The following CEP85L variants were observed in gnomAD, a reference collection of about 807,000 sequenced individuals.
The protein encoded by CEP85L is centrosomal protein 85L, also known as centrosomal protein of 85 kDa-like.
CEP85L carries 60 observed loss-of-function variants against 100.3 expected under a neutral mutation model. The ratio of observed to expected loss-of-function variants is 0.60; its 90% CI spans 0.49 to 0.74. The LOEUF (loss-of-function observed/expected upper bound fraction) is 0.74, where lower values mean the gene tolerates loss of function less well. CEP85L is among the 30% of genes least tolerant of loss of function. The pLI, the probability that CEP85L is intolerant of heterozygous loss-of-function variation, is 0.00. For missense variants in CEP85L, 973 were observed against 936.2 expected (o/e 1.04, Z -0.51); for synonymous variants, 319 against 322.7 (o/e 0.99, Z 0.12).
chr6:118,615,540 T>G (rs1772977608), intron 2 of CEP85L, among the ~76,000 whole-genome samples: 1 of 152,212 alleles, frequency 6.6e-6, no homozygotes, highest in Admixed American at 6.5e-5. Flanking sequence ...GAGAAAGATT[T>G]GGCCCTTGCC....
intron 2 of CEP85L, among the ~76,000 whole-genome samples, chr6:118,572,407 A>C (rs992361894): frequency 6.6e-6 from 1 of 151,852 alleles, no homozygotes; most frequent in Non-Finnish European, 1.5e-5. Flanking sequence ...AAAAACAAAA[A>C]ACAAACACAA....
intron 5 of CEP85L, among the ~76,000 whole-genome samples, chr6:118,495,959 G>A (rs545810206): frequency 1.2e-3 from 177 of 152,282 alleles, no homozygotes; most frequent in African/African-American, 4.0e-3. Flanking sequence ...TATGTCATAC[G>A]CACTTTTATT....
intron 1 of CEP85L, among the ~76,000 whole-genome samples, chr6:118,690,648 C>T (rs1777006102): frequency 6.6e-6 from 1 of 152,196 alleles, no homozygotes; most frequent in Non-Finnish European, 1.5e-5. Context: ...TCCAAAGCTG[C>T]TGGTGGCCAT....
At chr6:118,551,927 TG>T (rs1487718529) in intron 3 of CEP85L, among the ~76,000 whole-genome samples, 16 of 152,042 alleles carry the variant, frequency 1.1e-4, no homozygotes, top group Admixed American at 1.0e-3. Context: ...AATGATGAAC[TG>T]TCCTAATTTA....
Position 118,481,863 on chromosome 6 carries a change from T to G in CEP85L, c.1661A>C (p.Glu554Ala), listed in dbSNP as rs774638980. ...ALIDTEKKLE[E>A]IKKQCQDKET... is the part of the protein sequence containing the mutation. ...TTTATCTTGACACTGCTTTTTGATC[T>G]CTTCAAGTTTTTTTTCTGTATCTAT... Residue 554 changes from glutamate to alanine, a missense_variant, in exon 8 of 13, where the codon GAG (glutamate) becomes GCG (alanine). By Grantham distance (107) the Glu-to-Ala change is moderately radical. Coordinates refer to ENST00000368491, the MANE Select transcript of CEP85L (RefSeq NM_001042475.3). 9 of 1,593,160 alleles carry G rather than the reference T, an allele frequency of 5.6e-6. No individual in the cohort carries two copies. The Admixed American group carries it at 1.4e-4, about 24-fold the overall frequency.
intron 2 of CEP85L, among the ~76,000 whole-genome samples, chr6:118,573,069 A>AAT (rs1562274165): frequency 4.6e-5 from 7 of 151,890 alleles, no homozygotes; most frequent in Non-Finnish European, 8.8e-5. Flanking sequence ...TCTCCAAAAA[A>AAT]AATAATAATA....
At chr6:118,707,302 C>A (rs1370518488) in intron 1 of CEP85L, among the ~76,000 whole-genome samples, 2 of 151,748 alleles carry the variant, frequency 1.3e-5, no homozygotes, top group Non-Finnish European at 2.9e-5. Flanking sequence ...ATGATCCTCT[C>A]ACCACCTCAG....
chr6:118,633,295 C>T (rs1774290439), intron 1 of CEP85L, among the ~76,000 whole-genome samples: 1 of 151,342 alleles, frequency 6.6e-6, no homozygotes, highest in Admixed American at 6.6e-5. Flanking sequence ...AGCGCTGCCT[C>T]CCGGGTTCAC....
intron 1 of CEP85L, among the ~76,000 whole-genome samples, chr6:118,660,369 T>A (rs954747051): frequency 1.3e-5 from 2 of 152,224 alleles, no homozygotes; most frequent in Non-Finnish European, 2.9e-5. Flanking sequence ...TGATCTCTTT[T>A]CTGATCCTGG....
intron 10 of CEP85L, among the ~76,000 whole-genome samples, chr6:118,478,021 G>A (rs1345442287): frequency 6.6e-6 from 1 of 152,072 alleles, no homozygotes; most frequent in Non-Finnish European, 1.5e-5. Flanking sequence ...GTAAGTTGAT[G>A]AGGAAAAATC....
chr6:118,660,064 T>C (rs1211956372), intron 1 of CEP85L, among the ~76,000 whole-genome samples: 1 of 152,354 alleles, frequency 6.6e-6, no homozygotes, highest in South Asian at 2.1e-4. Flanking sequence ...GATGAGAGTG[T>C]GTCTCCTTGT....
intron 2 of CEP85L, among the ~76,000 whole-genome samples, chr6:118,612,429 G>A (rs560992538): frequency 1.6e-4 from 25 of 151,752 alleles, no homozygotes; most frequent in South Asian, 6.3e-4. Context: ...AGGCCGAGGC[G>A]GGTGGATCAT....
At chr6:118,535,201 A>C (rs1777520297) in intron 3 of CEP85L, among the ~76,000 whole-genome samples, 1 of 152,218 alleles carries the variant, frequency 6.6e-6, no homozygotes, top group Admixed American at 6.5e-5. Flanking sequence ...TATTCAGCAC[A>C]CACAGGCACA....
chr6:118,701,332 A>T (rs1387063065), intron 1 of CEP85L, among the ~76,000 whole-genome samples: 1 of 152,236 alleles, frequency 6.6e-6, no homozygotes, highest in Admixed American at 6.5e-5. Flanking sequence ...TCATATGTTC[A>T]CCACAGCACT....
intron 3 of CEP85L, among the ~76,000 whole-genome samples, chr6:118,530,548 G>A (rs1039308704): frequency 3.9e-5 from 6 of 151,950 alleles, no homozygotes; most frequent in African/African-American, 1.5e-4. Context: ...AGAAATAAAA[G>A]GCATACAAAT....
In CEP85L at chr6:118,545,165, T is replaced by C. The variant is rs532277314; in HGVS notation, c.1020+20364A>G. Among the ~76,000 whole-genome samples the C allele has an allele frequency of 1.2e-3, 186 of 152,326 alleles. 1 individual carries two copies. Among genetic ancestry groups the C allele is most frequent in the African/African-American group, 4.4e-3 (181 of 41,570 alleles). ...TAATTTAGTCATCACTTATATTAAC[T>C]TCTGGTCAAAAATTTCCAAAAACCG... On this transcript the variant is annotated intron_variant, in intron 3 of 12. Coordinates refer to ENST00000368491, the MANE Select transcript of CEP85L (RefSeq NM_001042475.3).
At chr6:118,624,966 C>T (rs1430462448) in intron 2 of CEP85L, among the ~76,000 whole-genome samples, 10 of 152,238 alleles carry the variant, frequency 6.6e-5, no homozygotes, top group African/African-American at 2.4e-4. Flanking sequence ...CAGGAGGCCT[C>T]TCCTAACAAT....
At chr6:118,659,065 C>G (rs117381044) in intron 1 of CEP85L, among the ~76,000 whole-genome samples, 7 of 152,094 alleles carry the variant, frequency 4.6e-5, no homozygotes, top group Non-Finnish European at 1.0e-4. Flanking sequence ...TTTTAAAACC[C>G]TAGTAGAATA....
chr6:118,591,597 TCATTTA>T (rs1462916553), intron 2 of CEP85L, among the ~76,000 whole-genome samples: 1 of 152,180 alleles, frequency 6.6e-6, no homozygotes, highest in Admixed American at 6.5e-5. Context: ...GGACACTACT[TCATTTA>T]CATAGGGTGT....
Sources: allele counts gnomAD v4.1 joint callset (sites outside exome capture counted in the v4.1 genomes callset), GRCh38; gene constraint gnomAD v4.1.1; transcripts MANE v1.5; gene names NCBI Gene and HGNC (gene_info 2026-07-23, HGNC 2026-07-21).